AUTS2: variants seen among roughly 807,000 people sequenced by gnomAD.
AUTS2 encodes autism susceptibility gene 2 protein.
AUTS2 carries 17 observed loss-of-function variants against 112.4 expected under a neutral mutation model. The observed-to-expected ratio is 0.15, with a 90% confidence interval of 0.10 to 0.23. The LOEUF is 0.23. Ranked by LOEUF, AUTS2 falls within the 10% of genes least tolerant of loss-of-function variation. The pLI is 1.00. For missense variants in AUTS2, 1,510 were observed against 1,701.6 expected, an observed-to-expected ratio of 0.89 and a Z score of 1.98; for synonymous variants, 751 against 702.7, an observed-to-expected ratio of 1.07 and a Z score of -1.09.
chr7:70,506,327 C>T (rs1038240005), intron 5 of AUTS2, among the ~76,000 whole-genome samples: 13 of 152,134 alleles, frequency 8.5e-5, no homozygotes, highest in Admixed American at 2.6e-4. Flanking sequence ...AGGTAGATGC[C>T]CTTATGGCAG....
intron 1 of AUTS2, among the ~76,000 whole-genome samples, chr7:69,716,757 A>G (rs1798628785): frequency 6.6e-6 from 1 of 152,084 alleles, no homozygotes; most frequent in South Asian, 2.1e-4. Flanking sequence ...ACCAGCTATT[A>G]ATCGGGGTTC....
At chr7:69,808,969 C>T (rs1790426192) in intron 1 of AUTS2, among the ~76,000 whole-genome samples, 3 of 152,270 alleles carry the variant, frequency 2.0e-5, no homozygotes, top group Admixed American at 6.5e-5. Flanking sequence ...AAATGACAGA[C>T]GTCTGGCTCT....
chr7:69,791,726 C>T (rs931396098), intron 1 of AUTS2, among the ~76,000 whole-genome samples: 1 of 152,206 alleles, frequency 6.6e-6, no homozygotes, highest in Non-Finnish European at 1.5e-5. Flanking sequence ...ACTATAGTCT[C>T]TCCCTTTAGA....
intron 5 of AUTS2, among the ~76,000 whole-genome samples, chr7:70,648,710 T>C (rs961150165): frequency 6.6e-6 from 1 of 152,130 alleles, no homozygotes; most frequent in African/African-American, 2.4e-5. Flanking sequence ...GCCTCCCAAG[T>C]AGCTGGGATT....
chr7:69,787,747 C>G (rs528228112), intron 1 of AUTS2, among the ~76,000 whole-genome samples: 2 of 152,062 alleles, frequency 1.3e-5, no homozygotes, highest in Non-Finnish European at 2.9e-5. Context: ...TAGTTTCCCC[C>G]AACTTTACTA....
At chr7:69,796,437 C>T (rs1789843985) in intron 1 of AUTS2, among the ~76,000 whole-genome samples, 1 of 151,276 alleles carries the variant, frequency 6.6e-6, no homozygotes, top group Non-Finnish European at 1.5e-5. Context: ...GTGGGAGGCT[C>T]ATTTGAGCTC....
At position 70,789,801 on chromosome 7, in the gene AUTS2, C is replaced by A. The variant is rs1017455957; in HGVS notation, c.2585C>A (p.Pro862Gln). ...SSHPSPAPVL[P>Q]VNALGHTRSS... Reference sequence around the variant, plus strand: ...CACCCTTCACCAGCACCTGTCCTCCCGGTGAATGCCCTGGGACATACCCGC... The same window carrying A: ...CACCCTTCACCAGCACCTGTCCTCCAGGTGAATGCCCTGGGACATACCCGC... The change falls in exon 19 of 19, where the codon CCG becomes CAG. Residue 862 changes from proline (P) to glutamine (Q), a missense_variant. Coordinates refer to ENST00000342771, the MANE Select transcript of AUTS2 (RefSeq NM_015570.4). The A allele has an allele frequency of 1.2e-6, 2 of 1,614,146 alleles. No individual in the cohort carries two copies. Among genetic ancestry groups the A allele is most frequent in the Non-Finnish European group, 1.7e-6 (2 of 1,179,996 alleles).
intron 2 of AUTS2, among the ~76,000 whole-genome samples, chr7:69,915,753 G>A (rs1795551345): frequency 6.6e-6 from 1 of 152,206 alleles, no homozygotes; most frequent in South Asian, 2.1e-4. Flanking sequence ...TTGAGACGGA[G>A]TCTCACTCTA....
intron 5 of AUTS2, among the ~76,000 whole-genome samples, chr7:70,602,803 A>G (rs919507854): frequency 6.6e-6 from 1 of 152,198 alleles, no homozygotes; most frequent in Non-Finnish European, 1.5e-5. Flanking sequence ...AGCCCTGTAC[A>G]TACTGGATAA....
chr7:69,776,359 G>A (rs1306322626), intron 1 of AUTS2, among the ~76,000 whole-genome samples: 14 of 152,180 alleles, frequency 9.2e-5, no homozygotes. Context: ...AAGGCATAGA[G>A]GAAAATACTA....
intron 1 of AUTS2, among the ~76,000 whole-genome samples, chr7:69,784,527 C>T (rs2129317618): frequency 6.6e-6 from 1 of 152,220 alleles, no homozygotes; most frequent in Non-Finnish European, 1.5e-5. Flanking sequence ...CTGGACAGGT[C>T]CCGAAGGAGT....
intron 6 of AUTS2, among the ~76,000 whole-genome samples, chr7:70,738,375 CT>C (rs78323847): frequency 8.5e-5 from 12 of 140,954 alleles, no homozygotes; most frequent in Non-Finnish European, 1.1e-4. Flanking sequence ...GATTAACTAG[CT>C]TTTTTTTTTC....
chr7:69,705,227 T>C (rs1471022587), intron 1 of AUTS2, among the ~76,000 whole-genome samples: 2 of 152,188 alleles, frequency 1.3e-5, no homozygotes, highest in East Asian at 3.9e-4. Context: ...CTTGGAAATG[T>C]ATAGGTGTTA....
At chr7:69,632,040 C>G (rs1252419840) in intron 1 of AUTS2, among the ~76,000 whole-genome samples, 5 of 152,098 alleles carry the variant, frequency 3.3e-5, no homozygotes, top group Admixed American at 3.3e-4. Context: ...AGAGGGCAGT[C>G]AGTGGGATTA....
chr7:70,649,500 T>TTTTTTTTA (rs1554451097), intron 5 of AUTS2, among the ~76,000 whole-genome samples: 6 of 143,814 alleles, frequency 4.2e-5, no homozygotes, highest in South Asian at 2.2e-4. Context: ...TGGTGATTTA[T>TTTTTTTTA]TTTATTTATT....
intron 4 of AUTS2, among the ~76,000 whole-genome samples, chr7:70,301,361 A>G (rs1226799562): frequency 1.3e-5 from 2 of 151,976 alleles, no homozygotes; most frequent in Admixed American, 1.3e-4. Context: ...CAGACTGAGT[A>G]CCTCTTTTGT....
rs563590775 is a variant in AUTS2, at chr7:70,751,703, T to G, written c.743-11167T>G. ...TACACCTGTGTCACAGACACAGAAG[T>G]ACCGTGTTTAAGTATTGAGCATACA... On this transcript the variant is annotated intron_variant, in intron 6 of 18. Transcript: ENST00000342771. 5.3e-5 allele frequency among the ~76,000 whole-genome samples: 8 copies of G among 152,226 alleles called. No homozygotes were observed. The East Asian group carries it at 1.6e-3, about 30-fold the overall frequency.
At chr7:70,269,610 T>C (rs1295756686) in intron 4 of AUTS2, among the ~76,000 whole-genome samples, 1 of 152,216 alleles carries the variant, frequency 6.6e-6, no homozygotes, top group Non-Finnish European at 1.5e-5. Context: ...ATAGCGCCTG[T>C]CTTATCAAGG....
intron 4 of AUTS2, among the ~76,000 whole-genome samples, chr7:70,411,330 A>G (rs963114607): frequency 6.6e-6 from 1 of 152,186 alleles, no homozygotes; most frequent in African/African-American, 2.4e-5. Context: ...GCTCATTTCT[A>G]TTGCATGATA....
Sources: gnomAD v4.1 joint callset for allele counts (sites outside exome capture counted in the v4.1 genomes callset) on GRCh38, gnomAD v4.1.1 for gene constraint, MANE v1.5 for transcripts, NCBI Gene and HGNC (gene_info 2026-07-23, HGNC 2026-07-21) for gene names.